Variants in ITSN1 observed in about 807,000 individuals in gnomAD.
ITSN1 encodes the protein intersectin-1.
In ITSN1, 58 loss-of-function variants were observed where a neutral mutation model predicts 239.8. That is an observed-to-expected ratio of 0.24 (90% CI 0.20 to 0.30). ITSN1 has a LOEUF of 0.30. Ranked by LOEUF, ITSN1 falls within the 10% of genes least tolerant of loss-of-function variation. ITSN1 has a pLI of 1.00. For synonymous variants in ITSN1, 780 were observed against 770.8 expected (o/e 1.01, Z -0.20); for missense variants, 1,558 against 2,103.3 (o/e 0.74, Z 5.07).
intron 25 of ITSN1, among the ~76,000 whole-genome samples, chr21:33,826,602 T>A (rs1016663233): frequency 4.6e-5 from 7 of 152,356 alleles, no homozygotes; most frequent in African/African-American, 1.7e-4. Flanking sequence ...TGCTGTTTTT[T>A]TCTCTTATAG....
chr21:33,653,048 G>A lies in ITSN1; in HGVS notation c.-33+10335G>A, dbSNP rs184579539. On this transcript the variant is annotated intron_variant, in intron 1 of 39. Transcript: ENST00000381318. ...CGTGTTTTGTTGCCCAGGCTGGAGC[G>A]CAGTGGCACAGTCTTGGCTCACTGC... Among the ~76,000 whole-genome samples the A allele has an allele frequency of 4.6e-4, 69 of 149,078 alleles. No individual in the cohort carries two copies. In the East Asian group the frequency reaches 0.012, roughly 26 times the overall value.
At chr21:33,765,367 G>A (rs1010074033) in intron 9 of ITSN1, among the ~76,000 whole-genome samples, 7 of 152,138 alleles carry the variant, frequency 4.6e-5, no homozygotes, top group East Asian at 1.9e-4. Context: ...GCATGGTGGC[G>A]CACACCTTGT....
chr21:33,720,055 CCTT>C (rs1182078760), intron 2 of ITSN1, among the ~76,000 whole-genome samples: 2 of 152,000 alleles, frequency 1.3e-5, no homozygotes, highest in African/African-American at 4.8e-5. Context: ...TTTTTGTCCC[CCTT>C]CTTAATTACT....
intron 2 of ITSN1, among the ~76,000 whole-genome samples, chr21:33,719,877 C>G (rs2065379676): frequency 6.6e-6 from 1 of 152,002 alleles, no homozygotes; most frequent in Non-Finnish European, 1.5e-5. Context: ...TACTTTTTAA[C>G]AAAAATACTT....
At chr21:33,702,119 T>TAAAG (rs1568975120) in intron 1 of ITSN1, among the ~76,000 whole-genome samples, 12 of 146,726 alleles carry the variant, frequency 8.2e-5, no homozygotes, top group East Asian at 2.0e-4. Flanking sequence ...TTTTTTTTTT[T>TAAAG]TTTTTTTTTT....
At chr21:33,672,656 A>C (rs1381566414) in intron 1 of ITSN1, among the ~76,000 whole-genome samples, 2 of 152,190 alleles carry the variant, frequency 1.3e-5, no homozygotes, top group Non-Finnish European at 2.9e-5. Flanking sequence ...TCTTGGGAAG[A>C]TATCTGCACT....
At chr21:33,813,651 C>A (rs892931034) in intron 21 of ITSN1, among the ~76,000 whole-genome samples, 2 of 152,208 alleles carry the variant, frequency 1.3e-5, no homozygotes, top group East Asian at 3.9e-4. Context: ...CTGTGCCCAG[C>A]CTCCTCCTTG....
chr21:33,748,028 CATATT>C (rs939265957), intron 5 of ITSN1, among the ~76,000 whole-genome samples: 12 of 152,206 alleles, frequency 7.9e-5, no homozygotes, highest in South Asian at 2.1e-4. Flanking sequence ...GGGCTTATAA[CATATT>C]ATAATGTATG....
chr21:33,853,831 G>T (rs2249221), intron 29 of ITSN1, among the ~76,000 whole-genome samples: 86,546 of 151,978 alleles, frequency 0.57, 24,770 homozygotes, highest in East Asian at 0.62. Context: ...TGGGATGCAG[G>T]GCAAACCTCA....
At chr21:33,675,386 A>T (rs545377497) in intron 1 of ITSN1, among the ~76,000 whole-genome samples, 1 of 151,998 alleles carries the variant, frequency 6.6e-6, no homozygotes, top group East Asian at 1.9e-4. Flanking sequence ...ACACGGTGAA[A>T]CCCTGTCTCT....
chr21:33,773,291 A>C lies in ITSN1; in HGVS notation c.1305+968A>C, dbSNP rs544692641. On this transcript the variant is annotated intron_variant, in intron 12 of 39. Transcript: ENST00000381318. ...CCAAAGTGCTGGGATTACAGGCATGAGCCACCGCGCCTGGCCCATGCAACC... is the reference window on the plus strand; with the variant it reads ...CCAAAGTGCTGGGATTACAGGCATGCGCCACCGCGCCTGGCCCATGCAACC... Among the ~76,000 whole-genome samples, 33 of 152,144 alleles carry C rather than the reference A, an allele frequency of 2.2e-4. No homozygotes were observed. The South Asian group carries it at 6.9e-3, about 32-fold the overall frequency.
At chr21:33,796,832 TTTTACTG>T in intron 17 of ITSN1, among the ~76,000 whole-genome samples, 1 of 152,356 alleles carries the variant, frequency 6.6e-6, no homozygotes, top group East Asian at 1.9e-4. Context: ...ATTCTCAGTC[TTTTACTG>T]TGGGTTTCAG....
At chr21:33,830,648 G>C (rs1241414596) in intron 27 of ITSN1, among the ~76,000 whole-genome samples, 1 of 152,174 alleles carries the variant, frequency 6.6e-6, no homozygotes, top group Non-Finnish European at 1.5e-5. Context: ...GCAGTATCTA[G>C]ACCCTGTGTG....
Position 33,679,698 on chromosome 21 carries a change from C to CTTTTTT in ITSN1, c.-33+37003_-33+37008dup, listed in dbSNP as rs34301203. Among the ~76,000 whole-genome samples the CTTTTTT allele has an allele frequency of 1.8e-3, 152 of 86,280 alleles. 2 individuals are homozygous for CTTTTTT. Among genetic ancestry groups the CTTTTTT allele is most frequent in the Non-Finnish European group, 1.9e-3 (94 of 48,638 alleles). 56.6% of individuals were successfully genotyped at this position (86,280 alleles called of 152,430 possible). ...TTTTGTGTGTTTTTTGATCCTTATC[C>CTTTTTT]TTTTTTTTTTTTTTTTTTTTTTTGA... On this transcript the variant is annotated intron_variant, in intron 1 of 39. Transcript: ENST00000381318.
At chr21:33,780,595 G>A (rs2070086351) in intron 14 of ITSN1, among the ~76,000 whole-genome samples, 1 of 152,150 alleles carries the variant, frequency 6.6e-6, no homozygotes, top group South Asian at 2.1e-4. Flanking sequence ...TCTAAAGGTG[G>A]TTATTCCAAA....
chr21:33,792,297 T>C (rs2071201180), intron 16 of ITSN1, among the ~76,000 whole-genome samples: 1 of 152,190 alleles, frequency 6.6e-6, no homozygotes, highest in Non-Finnish European at 1.5e-5. Flanking sequence ...CTCCGCCTCC[T>C]GGGTTCTCGC....
chr21:33,857,203 G>C (rs932906366), intron 30 of ITSN1, among the ~76,000 whole-genome samples: 3 of 152,192 alleles, frequency 2.0e-5, no homozygotes, highest in African/African-American at 7.2e-5. Context: ...GTGCCATGGA[G>C]CCAGCCACGC....
intron 29 of ITSN1, among the ~76,000 whole-genome samples, chr21:33,839,103 T>TG (rs920127784): frequency 2.0e-4 from 30 of 152,136 alleles, no homozygotes; most frequent in South Asian, 4.2e-4. Flanking sequence ...AGATATTTGG[T>TG]GGGGGGGATG....
intron 34 of ITSN1, among the ~76,000 whole-genome samples, chr21:33,877,252 C>T (rs1013278765): frequency 6.6e-6 from 1 of 151,864 alleles, no homozygotes; most frequent in Non-Finnish European, 1.5e-5. Flanking sequence ...CAGGGTTTCA[C>T]CATGTTGACC....
Sources: gnomAD v4.1 joint callset for allele counts (sites outside exome capture counted in the v4.1 genomes callset) on GRCh38, gnomAD v4.1.1 for gene constraint, MANE v1.5 for transcripts, NCBI Gene and HGNC (gene_info 2026-07-23, HGNC 2026-07-21) for gene names.